PLD5: variants seen among roughly 807,000 people sequenced by gnomAD.
PLD5 encodes phospholipase D family member 5.
A neutral mutation model predicts 61.1 loss-of-function variants in PLD5; 36 were observed. The ratio of observed to expected loss-of-function variants is 0.59; its 90% CI spans 0.45 to 0.78. The LOEUF (loss-of-function observed/expected upper bound fraction) is 0.78. PLD5 is among the 30% of genes least tolerant of loss of function. PLD5 has a pLI of 0.00. For missense variants in PLD5, 515 were observed against 644.4 expected, an observed-to-expected ratio of 0.80 and a Z score of 2.17; for synonymous variants, 243 against 242.8, an observed-to-expected ratio of 1.00 and a Z score of -0.01.
chr1:242,420,635 A>AC (rs1665086183), intron 1 of PLD5, among the ~76,000 whole-genome samples: 1 of 152,014 alleles, frequency 6.6e-6, no homozygotes. Flanking sequence ...CATGCCTCCA[A>AC]CTTCCCTATC....
chr1:242,416,219 A>G (rs1381949312), intron 1 of PLD5, among the ~76,000 whole-genome samples: 3 of 152,134 alleles, frequency 2.0e-5, no homozygotes, highest in Admixed American at 1.3e-4. Flanking sequence ...GGAAAAAGAA[A>G]ATAGAAGATA....
In PLD5 at chr1:242,207,952, A is replaced by ATATATATATT. The variant is rs1558344791; in HGVS notation, c.735+12035_735+12036insAATATATATA. Among the ~76,000 whole-genome samples the ATATATATATT allele has an allele frequency of 2.8e-3, 35 of 12,386 alleles. 4 individuals are homozygous for ATATATATATT. Among genetic ancestry groups the ATATATATATT allele is most frequent in the Non-Finnish European group, 3.8e-3 (30 of 7,892 alleles). The allele number at this position is 12,386 out of a possible 152,430, so 8.1% of individuals were successfully genotyped here. ...TATATTTATATATTTATATATATTT[A>ATATATATATT]TTTATATATATTTATATATATTTTT... On this transcript the variant is annotated intron_variant, in intron 5 of 9. Coordinates refer to ENST00000536534, the MANE Select transcript of PLD5 (RefSeq NM_001372062.1).
At chr1:242,098,491 G>A (rs933052344) in intron 9 of PLD5, among the ~76,000 whole-genome samples, 1 of 152,106 alleles carries the variant, frequency 6.6e-6, no homozygotes, top group African/African-American at 2.4e-5. Context: ...TAACTCCTTT[G>A]CCATGGGTTC....
chr1:242,131,506 T>C (rs574965475), intron 5 of PLD5, among the ~76,000 whole-genome samples: 1 of 152,298 alleles, frequency 6.6e-6, no homozygotes, highest in East Asian at 1.9e-4. Context: ...GTGCTCCAGG[T>C]ACTGTTCTCA....
intron 1 of PLD5, among the ~76,000 whole-genome samples, chr1:242,372,692 A>G (rs1466853917): frequency 1.3e-5 from 2 of 152,236 alleles, no homozygotes; most frequent in Admixed American, 6.5e-5. Context: ...AGAAATGGGG[A>G]AAGGATTCCC....
intron 1 of PLD5, among the ~76,000 whole-genome samples, chr1:242,455,657 T>C (rs918629158): frequency 6.6e-6 from 1 of 152,204 alleles, no homozygotes; most frequent in Non-Finnish European, 1.5e-5. Flanking sequence ...TTATATGGAC[T>C]CCCAGAAGGC....
chr1:242,282,537 T>A (rs576919524), intron 3 of PLD5, among the ~76,000 whole-genome samples: 9 of 152,340 alleles, frequency 5.9e-5, no homozygotes, highest in African/African-American at 2.2e-4. Flanking sequence ...TGATGTATCA[T>A]CAGTTGGCAA....
chr1:242,274,482 T>C (rs548795372), intron 3 of PLD5, among the ~76,000 whole-genome samples: 1 of 152,226 alleles, frequency 6.6e-6, no homozygotes, highest in African/African-American at 2.4e-5. Flanking sequence ...TGGCCAGGCG[T>C]GGTGGCTCAC....
At chr1:242,231,369 A>G (rs1671290642) in intron 4 of PLD5, among the ~76,000 whole-genome samples, 1 of 152,178 alleles carries the variant, frequency 6.6e-6, no homozygotes, top group African/African-American at 2.4e-5. Context: ...AGAGCCCAGC[A>G]CAGTTGCAGT....
chr1:242,233,992 A>T (rs1671477670), intron 4 of PLD5, among the ~76,000 whole-genome samples: 1 of 152,238 alleles, frequency 6.6e-6, no homozygotes, highest in Non-Finnish European at 1.5e-5. Flanking sequence ...AGATGGTTCC[A>T]TTCCAAGCCA....
At position 242,454,206 on chromosome 1, in the gene PLD5, A is replaced by G. The variant is rs1019285411; in HGVS notation, c.189+69882T>C. 1.3e-5 allele frequency among the ~76,000 whole-genome samples: 2 copies of G among 151,792 alleles called. 1 individual carries two copies. Among genetic ancestry groups the G allele is most frequent in the Non-Finnish European group, 2.9e-5 (2 of 67,950 alleles). ...ATATTCGCCAGGTGTGGTGGCGGTC[A>G]CCTGTAATCCCAGCTACTCGAGAAG... is the stretch of plus-strand genomic sequence containing the variant. On this transcript the variant is annotated intron_variant, in intron 1 of 9. Transcript: ENST00000536534.
intron 2 of PLD5, among the ~76,000 whole-genome samples, chr1:242,289,690 T>C (rs1675247031): frequency 6.6e-6 from 1 of 152,166 alleles, no homozygotes; most frequent in Non-Finnish European, 1.5e-5. Flanking sequence ...CAAGTCCTTA[T>C]GAAAATACCT....
intron 4 of PLD5, among the ~76,000 whole-genome samples, chr1:242,262,661 T>C (rs527712370): frequency 1.3e-5 from 2 of 152,114 alleles, no homozygotes; most frequent in East Asian, 3.9e-4. Flanking sequence ...GACGGGGGGA[T>C]AGAGTCTATA....
intron 1 of PLD5, among the ~76,000 whole-genome samples, chr1:242,499,918 C>T (rs1461746408): frequency 2.0e-5 from 3 of 152,176 alleles, no homozygotes; most frequent in Admixed American, 6.5e-5. Flanking sequence ...ACTCACATGT[C>T]CAGAACCTTG....
intron 2 of PLD5, among the ~76,000 whole-genome samples, chr1:242,339,184 T>C (rs1045762263): frequency 4.6e-5 from 7 of 152,208 alleles, no homozygotes; most frequent in African/African-American, 1.7e-4. Flanking sequence ...TTTATACTTG[T>C]ATTTTCATGG....
intron 1 of PLD5, among the ~76,000 whole-genome samples, chr1:242,351,205 TTTATTCTTTCTATCC>T (rs1308769530): frequency 3.9e-5 from 6 of 152,148 alleles, no homozygotes; most frequent in Non-Finnish European, 8.8e-5. Context: ...CCGGCCCTGT[TTTATTCTTTCTATCC>T]TTATTCTTTC....
chr1:242,210,962 A>C (rs1035266309), intron 5 of PLD5: 2 of 152,262 alleles, frequency 1.3e-5, no homozygotes, highest in Non-Finnish European at 2.9e-5. Flanking sequence ...AAAAAGTTGC[A>C]AAAGAGACAT....
At chr1:242,453,921 C>T (rs761199335) in intron 1 of PLD5, among the ~76,000 whole-genome samples, 10 of 152,240 alleles carry the variant, frequency 6.6e-5, no homozygotes, top group Non-Finnish European at 1.5e-4. Context: ...GCCTCACCCA[C>T]TCCTTCTCAG....
chr1:242,113,788 C>T, intron 7 of PLD5, 102 bp downstream of exon 7: 1 of 1,396,920 alleles, frequency 7.2e-7, no homozygotes, highest in Non-Finnish European at 9.6e-7. Flanking sequence ...CCTAAGGCAA[C>T]CTGATGGCAT....
Sources: gnomAD v4.1 joint callset for allele counts (sites outside exome capture counted in the v4.1 genomes callset) on GRCh38, gnomAD v4.1.1 for gene constraint, MANE v1.5 for transcripts, NCBI Gene and HGNC (gene_info 2026-07-23, HGNC 2026-07-21) for gene names.